The following GNA11 variants were observed in gnomAD, a reference collection of about 807,000 sequenced individuals.
The protein encoded by GNA11 is G protein subunit alpha 11.
Under a neutral mutation model 38.2 loss-of-function variants are expected in GNA11, and 8 were observed. That is an observed-to-expected ratio of 0.21 (90% CI 0.12 to 0.38). The LOEUF (loss-of-function observed/expected upper bound fraction) is 0.38. GNA11 is among the 10% of genes least tolerant of loss of function. The probability of loss-of-function intolerance (pLI) is 1.00; values close to 1 mark genes in which losing one functional copy is unlikely to be tolerated. For missense variants in GNA11, 268 were observed against 516.3 expected (o/e 0.52, Z 4.66); for synonymous variants, 211 against 221.4 (o/e 0.95, Z 0.42).
intron 2 of GNA11, among the ~76,000 whole-genome samples, chr19:3,112,582 T>C (rs1170314136): frequency 1.3e-5 from 2 of 152,222 alleles, no homozygotes; most frequent in Admixed American, 1.3e-4. Context: ...CACATGTGTG[T>C]GCAAGCACGT....
chr19:3,116,154 A>G (rs2145322775), intron 4 of GNA11, among the ~76,000 whole-genome samples: 1 of 151,816 alleles, frequency 6.6e-6, no homozygotes, highest in South Asian at 2.1e-4. Context: ...CTCCCTGGGG[A>G]CCCTCAGTGG....
At chr19:3,107,184 C>A (rs535609933) in intron 1 of GNA11, among the ~76,000 whole-genome samples, 1 of 152,250 alleles carries the variant, frequency 6.6e-6, no homozygotes, top group African/African-American at 2.4e-5. Context: ...TGCAGTGAGC[C>A]AAGATTGCGC....
intron 1 of GNA11, among the ~76,000 whole-genome samples, chr19:3,104,624 C>T (rs1168385894): frequency 4.6e-5 from 7 of 152,190 alleles, no homozygotes; most frequent in African/African-American, 1.4e-4. Flanking sequence ...CATGAGGGAT[C>T]CAGCACTGTG....
intron 1 of GNA11, among the ~76,000 whole-genome samples, chr19:3,105,654 A>C (rs1362168739): frequency 6.6e-6 from 1 of 152,046 alleles, no homozygotes; most frequent in African/African-American, 2.4e-5. Flanking sequence ...ATTTGGGGGG[A>C]TCACAGACAT....
chr19:3,109,782 G>A lies in GNA11; in HGVS notation c.137-367G>A, dbSNP rs554574166. 4.6e-5 allele frequency among the ~76,000 whole-genome samples: 7 copies of A among 152,364 alleles called. No homozygotes were observed. In the South Asian group the frequency reaches 6.2e-4, roughly 14 times the overall value. The stretch of plus-strand genomic sequence containing the variant: ...TGGTGAGCATTGGTCATGAACTGGC[G>A]TGACCGTGGTGGAGCTGCACAGTCC... On this transcript the variant is annotated intron_variant, in intron 1 of 6. Transcript: ENST00000078429.
At chr19:3,100,433 A>G (rs960730566) in intron 1 of GNA11, among the ~76,000 whole-genome samples, 1 of 152,032 alleles carries the variant, frequency 6.6e-6, no homozygotes, top group African/African-American at 2.4e-5. Flanking sequence ...TTCCCTGCCC[A>G]TGTCATTGAG....
intron 1 of GNA11, among the ~76,000 whole-genome samples, chr19:3,109,454 C>T (rs534975199): frequency 1.3e-5 from 2 of 152,270 alleles, no homozygotes; most frequent in Admixed American, 1.3e-4. Context: ...GTAGCGTACT[C>T]GTCTCTGGAA....
chr19:3,100,718 G>C (rs1047187503), intron 1 of GNA11, among the ~76,000 whole-genome samples: 1 of 152,212 alleles, frequency 6.6e-6, no homozygotes, highest in African/African-American at 2.4e-5. Flanking sequence ...GGGCTGGCCA[G>C]CACGGGGCAG....
chr19:3,103,509 G>A (rs1242619296), intron 1 of GNA11, among the ~76,000 whole-genome samples: 5 of 126,452 alleles, frequency 4.0e-5, no homozygotes, highest in South Asian at 2.6e-4. Flanking sequence ...CACTGCGCCC[G>A]GCCTTGAATC....
At chr19:3,099,542 G>A (rs557410268) in intron 1 of GNA11, among the ~76,000 whole-genome samples, 69 of 152,276 alleles carry the variant, frequency 4.5e-4, no homozygotes, top group Non-Finnish European at 8.4e-4. Context: ...CATCCCGCCC[G>A]GGGGGCCTCC....
At chr19:3,113,749 AGT>A (rs1913839089) in intron 3 of GNA11, among the ~76,000 whole-genome samples, 1 of 152,048 alleles carries the variant, frequency 6.6e-6, no homozygotes, top group Non-Finnish European at 1.5e-5. Flanking sequence ...CTGGGTCAGG[AGT>A]GAGCTCCTGG....
chr19:3,102,079 G>A (rs945794697), intron 1 of GNA11, among the ~76,000 whole-genome samples: 5 of 152,056 alleles, frequency 3.3e-5, no homozygotes, highest in Non-Finnish European at 7.4e-5. Flanking sequence ...CTGGGCGACC[G>A]AGGGAGAGGT....
chr19:3,111,268 C>G (rs773553379), intron 2 of GNA11, among the ~76,000 whole-genome samples: 2 of 152,180 alleles, frequency 1.3e-5, no homozygotes, highest in South Asian at 4.1e-4. Flanking sequence ...TCACCGCTGT[C>G]GGATTCCAGA....
chr19:3,110,424 G>T lies in GNA11; in HGVS notation c.321+91G>T. The T allele has an allele frequency of 9.2e-7, 1 of 1,082,770 alleles. No homozygotes were observed. The highest frequency in any genetic ancestry group is 1.4e-6 in the Non-Finnish European group (1 of 735,302). 67.1% of individuals were successfully genotyped at this position (1,082,770 alleles called of 1,614,324 possible). A position where few individuals can be genotyped will look rare whatever the true frequency, so the allele number is the denominator to read the frequency against. The stretch of plus-strand genomic sequence containing the variant: ...GGCCGCGCTGCCAGGGTGGGGCCAT[G>T]CCGGGGGTCCCGGCCGGCCCAGGCT... On this transcript the variant is annotated intron_variant, in intron 2 of 6. Transcript: ENST00000078429. The surrounding 1 kb of genome is among the most constrained non-coding windows in gnomAD (Gnocchi z 5.4).
Position 3,110,873 on chromosome 19 carries a change from A to T in GNA11, c.321+540A>T, listed in dbSNP as rs966628730. ...GAGTGCAGTGGAATGGTCAAGGCTC[A>T]TCACAGCCTGGACCTTCTGGGCTCA... On this transcript the variant is annotated intron_variant, in intron 2 of 6. Transcript: ENST00000078429. The surrounding 1 kb of genome is among the most constrained non-coding windows in gnomAD (Gnocchi z 5.4). 6.6e-6 allele frequency among the ~76,000 whole-genome samples: 1 copy of T among 152,292 alleles called. No individual in the cohort carries two copies. Among genetic ancestry groups the T allele is most frequent in the Non-Finnish European group, 1.5e-5 (1 of 68,022 alleles).
chr19:3,108,391 G>T lies in GNA11; in HGVS notation c.137-1758G>T, dbSNP rs954145017. Among the ~76,000 whole-genome samples, 1 of 152,172 alleles carries T rather than the reference G, an allele frequency of 6.6e-6. No homozygotes were observed. The highest frequency in any genetic ancestry group is 2.4e-5 in the African/African-American group (1 of 41,434). On this transcript the variant is annotated intron_variant, in intron 1 of 6. Transcript: ENST00000078429. The surrounding 1 kb of genome is among the most constrained non-coding windows in gnomAD (Gnocchi z 4.5). ...AGAGGCTGTGAGAGGAAGTGAGCTG[G>T]GTCCCAGCACCAGGCAGCCTTTAGG... is the stretch of plus-strand genomic sequence containing the variant.
chr19:3,110,366 C>T lies in GNA11; in HGVS notation c.321+33C>T, dbSNP rs1330728796. The T allele has an allele frequency of 1.9e-5, 29 of 1,563,924 alleles. No individual in the cohort carries two copies. The highest frequency in any genetic ancestry group is 2.5e-5 in the Non-Finnish European group (28 of 1,139,862). ...CGCGGGCGCCTGGGGAGGGGAGCGC[C>T]TGGGCAGCTGTGGGCTTGGTGGTGA... is the stretch of plus-strand genomic sequence containing the variant. On this transcript the variant is annotated intron_variant, in intron 2 of 6. Transcript: ENST00000078429. The surrounding 1 kb of genome is among the most constrained non-coding windows in gnomAD (Gnocchi z 5.4).
intron 1 of GNA11, among the ~76,000 whole-genome samples, chr19:3,103,201 T>G (rs974349413): frequency 1.3e-5 from 2 of 151,986 alleles, no homozygotes; most frequent in African/African-American, 2.4e-5. Context: ...TACTTTTTAT[T>G]TGTTATTTAT....
rs763923944 is a variant in GNA11 at position 3,119,175 on chromosome 19, C to T, written c.736-31C>T. On this transcript the variant is annotated intron_variant, in intron 5 of 6. Coordinates refer to ENST00000078429, the MANE Select transcript of GNA11 (RefSeq NM_002067.5). This position sits in a 1 kb window ranked among gnomAD's most constrained non-coding sequence, Gnocchi z 4.6. Reference sequence around the variant, plus strand: ...GGGCTGTGTGCAGTGGGGAGGGCCCCTCTGATTCCCTCTGCCTTCGCTCCC... The same window carrying T: ...GGGCTGTGTGCAGTGGGGAGGGCCCTTCTGATTCCCTCTGCCTTCGCTCCC... 9 of 1,611,404 alleles carry T rather than the reference C, an allele frequency of 5.6e-6. No homozygotes were observed. The highest frequency in any genetic ancestry group is 7.6e-6 in the Non-Finnish European group (9 of 1,178,336).
Sources: allele counts gnomAD v4.1 joint callset (sites outside exome capture counted in the v4.1 genomes callset), GRCh38; gene constraint gnomAD v4.1.1; non-coding constraint Gnocchi (gnomAD v3.1); transcripts MANE v1.5; gene names NCBI Gene and HGNC (gene_info 2026-07-23, HGNC 2026-07-21).